CGB7: variants seen among roughly 807,000 people sequenced by gnomAD.
CGB7 encodes the protein choriogonadotropin subunit beta 7.
CGB7 carries 6 observed loss-of-function variants against 7.3 expected under a neutral mutation model. That is an observed-to-expected ratio of 0.82 (90% CI 0.45 to 1.62). The LOEUF (loss-of-function observed/expected upper bound fraction) is 1.62. CGB7 is among the 40% of genes most tolerant of loss of function. The pLI, the probability that CGB7 is intolerant of heterozygous loss-of-function variation, is 0.01. For synonymous variants in CGB7, 47 were observed against 100.8 expected, an observed-to-expected ratio of 0.47 and a Z score of 3.20; for missense variants, 114 against 236.2, an observed-to-expected ratio of 0.48 and a Z score of 3.39.
rs1483083719 is a variant in CGB7, at chr19:49,056,514, G to A, written c.-1139C>T. 9 of 1,302,962 alleles carry A rather than the reference G, an allele frequency of 6.9e-6. No homozygotes were observed. Among genetic ancestry groups the A allele is most frequent in the Non-Finnish European group, 9.0e-6 (9 of 997,898 alleles). The allele number at this position is 1,302,962 out of a possible 1,614,324, so 80.7% of individuals were successfully genotyped here. A position where few individuals can be genotyped will look rare whatever the true frequency, so the allele number is the denominator to read the frequency against. ...AGCAGAGACAGGGCTGCCGCTGCGG[G>A]TCGTGACTCCAGAGTTGGGGCGTCT... is the stretch of plus-strand genomic sequence containing the variant. On this transcript the variant is annotated 5_prime_UTR_variant, in exon 3 of 5. Coordinates refer to ENST00000684222, the MANE Select transcript of CGB7 (RefSeq NM_001385261.1).
chr19:49,057,042 A>G, intron 2 of CGB7, 79 bp downstream of exon 2: 4 of 1,444,570 alleles, frequency 2.8e-6, no homozygotes, highest in Non-Finnish European at 3.7e-6. Flanking sequence ...AGGGAATGGG[A>G]GCCAGCCCAG....
rs185438033 is a variant in CGB7, at chr19:49,055,402, C to G, written c.-27G>C. On this transcript the variant is annotated 5_prime_UTR_variant, in exon 3 of 5. Coordinates refer to ENST00000684222, the MANE Select transcript of CGB7 (RefSeq NM_001385261.1). Reference sequence around the variant, plus strand: ...CTTGGTGCGTCCCCTGCCTGGTGTACCTGGCTTTATACCTCGGGTTTGTGG... The same window carrying G: ...CTTGGTGCGTCCCCTGCCTGGTGTAGCTGGCTTTATACCTCGGGTTTGTGG... The G allele has an allele frequency of 9.3e-6, 15 of 1,613,406 alleles. No individual in the cohort carries two copies. In the Admixed American group the frequency reaches 1.5e-4, roughly 16 times the overall value.
rs1250563965 is a variant in CGB7, at chr19:49,055,934, C to T, written c.-559G>A. On this transcript the variant is annotated 5_prime_UTR_variant, in exon 3 of 5. Coordinates refer to ENST00000684222, the MANE Select transcript of CGB7 (RefSeq NM_001385261.1). ...CGAGCCCCACCTCTCCCTTAGGAACCTCCGCCCACCCTACCCTCAAGCCAG... is the reference window on the plus strand; with the variant it reads ...CGAGCCCCACCTCTCCCTTAGGAACTTCCGCCCACCCTACCCTCAAGCCAG... The T allele has an allele frequency of 2.7e-6, 3 of 1,097,372 alleles. No individual in the cohort carries two copies. The highest frequency in any genetic ancestry group is 1.5e-4 in the East Asian group (2 of 13,390). 68.0% of individuals were successfully genotyped at this position (1,097,372 alleles called of 1,614,324 possible).
rs2040051095 is a variant in CGB7, at chr19:49,055,678, G to A, written c.-303C>T. 1.5e-6 allele frequency: 2 copies of A among 1,344,306 alleles called. No individual in the cohort carries two copies. Among genetic ancestry groups the A allele is most frequent in the Non-Finnish European group, 1.9e-6 (2 of 1,043,494 alleles). 83.3% of individuals were successfully genotyped at this position (1,344,306 alleles called of 1,614,324 possible). On this transcript the variant is annotated 5_prime_UTR_variant, in exon 3 of 5. Coordinates refer to ENST00000684222, the MANE Select transcript of CGB7 (RefSeq NM_001385261.1). ...CAGAGAGTAGGGTGTAGGAAGGCCTGCCTCTGCCTATGGTGGGGTCTTGGG... is the reference window on the plus strand; with the variant it reads ...CAGAGAGTAGGGTGTAGGAAGGCCTACCTCTGCCTATGGTGGGGTCTTGGG...
Position 49,054,305 on chromosome 19 carries a change from T to A in CGB7, c.484A>T (p.Ile162Phe). 3.7e-6 allele frequency: 6 copies of A among 1,601,992 alleles called. No homozygotes were observed. The highest frequency in any genetic ancestry group is 5.1e-6 in the Non-Finnish European group (6 of 1,174,706). ...SRLPGPSDTPILPQ is the reference protein window; with the variant it reads ...SRLPGPSDTPFLPQ ...TTGAGAAGCCTTTATTGTGGGAGGA[T>A]CGGGGTGTCTGAGGGCCCCGGGAGT... Residue 162 changes from isoleucine to phenylalanine, a missense_variant, in exon 5 of 5, where the codon ATC becomes TTC. Ile to Phe is a conservative substitution (Grantham distance 21, BLOSUM62 0). Transcript: ENST00000684222.
In CGB7 at chr19:49,055,509, C is replaced by A; in HGVS notation, c.-134G>T. The stretch of plus-strand genomic sequence containing the variant: ...TTCGGGGGGCGAGAAGTAGACAAGG[C>A]CAGGGAGGCACAGGAGTGGCTCAGC... On this transcript the variant is annotated 5_prime_UTR_variant, in exon 3 of 5. Transcript: ENST00000684222. 6.3e-7 allele frequency: 1 copy of A among 1,596,244 alleles called. No homozygotes were observed. Among genetic ancestry groups the A allele is most frequent in the South Asian group, 1.1e-5 (1 of 88,474 alleles).
intron 3 of CGB7, 149 bp downstream of exon 3, chr19:49,055,212 C>A (rs2040041803): frequency 2.5e-6 from 4 of 1,590,410 alleles, no homozygotes; most frequent in Non-Finnish European, 3.4e-6. Context: ...CAGATCCCCA[C>A]CCTCAGGAAC....
Position 49,054,953 on chromosome 19 carries a change from A to G in CGB7, c.71T>C (p.Met24Thr), listed in dbSNP as rs56106646. 0.11 allele frequency: 161,063 copies of G among 1,410,966 alleles called. 39,781 individuals carry two copies. The highest frequency in any genetic ancestry group is 0.22 in the South Asian group (16,252 of 74,422). 87.4% of individuals were successfully genotyped at this position (1,410,966 alleles called of 1,614,324 possible). ...SMGGTWASRE[M>T]LRPRCRPINA... is the part of the protein sequence containing the mutation. ...GATGGGGCGGCACCGTGGCCGAAGCATCTCCCTGGATGCCCATGTCCCGCC... is the reference window on the plus strand; with the variant it reads ...GATGGGGCGGCACCGTGGCCGAAGCGTCTCCCTGGATGCCCATGTCCCGCC... Residue 24 changes from methionine (M) to threonine (T), a missense_variant, in exon 4 of 5, where the codon ATG (methionine) becomes ACG (threonine). Around this residue, in one of 3 missense-constraint regions of CGB7, gnomAD observed 58 missense variants for 91.7 expected, o/e 0.63. Transcript: ENST00000684222.
chr19:49,055,968 G>T lies in CGB7; in HGVS notation c.-593C>A. On this transcript the variant is annotated 5_prime_UTR_variant, in exon 3 of 5. Transcript: ENST00000684222. Reference sequence around the variant, plus strand: ...CCCTACCCTCAAGCCAGGATGCCCGGAGCGGTCCCCGGAAATGCGTGTGCT... The same window carrying T: ...CCCTACCCTCAAGCCAGGATGCCCGTAGCGGTCCCCGGAAATGCGTGTGCT... The T allele has an allele frequency of 9.0e-7, 1 of 1,113,498 alleles. No homozygotes were observed. The highest frequency in any genetic ancestry group is 1.1e-6 in the Non-Finnish European group (1 of 902,312). 69.0% of individuals were successfully genotyped at this position (1,113,498 alleles called of 1,614,324 possible). A position where few individuals can be genotyped will look rare whatever the true frequency, so the allele number is the denominator to read the frequency against.
At chr19:49,056,824 T>C (rs901010625) in intron 2 of CGB7, among the ~76,000 whole-genome samples, 4 of 152,130 alleles carry the variant, frequency 2.6e-5, no homozygotes, top group African/African-American at 9.7e-5. Context: ...GGCTTTCGCT[T>C]CCTTGCGAAG....
rs2040051140 is a variant in CGB7 at position 49,055,686 on chromosome 19, C to T, written c.-311G>A. On this transcript the variant is annotated 5_prime_UTR_variant, in exon 3 of 5. Transcript: ENST00000684222. ...AGGGTGTAGGAAGGCCTGCCTCTGCCTATGGTGGGGTCTTGGGAACCAGGA... is the reference window on the plus strand; with the variant it reads ...AGGGTGTAGGAAGGCCTGCCTCTGCTTATGGTGGGGTCTTGGGAACCAGGA... 7.5e-7 allele frequency: 1 copy of T among 1,327,394 alleles called. No individual in the cohort carries two copies. The highest frequency in any genetic ancestry group is 1.5e-5 in the African/African-American group (1 of 67,660). 82.2% of individuals were successfully genotyped at this position (1,327,394 alleles called of 1,614,324 possible).
In CGB7 at chr19:49,057,746, G is replaced by C; in HGVS notation, c.-1633C>G. The C allele has an allele frequency of 7.5e-7, 1 of 1,338,850 alleles. No homozygotes were observed. The highest frequency in any genetic ancestry group is 9.5e-7 in the Non-Finnish European group (1 of 1,047,812). The allele number at this position is 1,338,850 out of a possible 1,614,324, so 82.9% of individuals were successfully genotyped here. On this transcript the variant is annotated 5_prime_UTR_variant, in exon 1 of 5. Transcript: ENST00000684222. Reference sequence around the variant, plus strand: ...GCCCCTGGTCCTTCTGGCCTGGCGTGGATGCCCAGCCCTTCCTCCCGCTCC... The same window carrying C: ...GCCCCTGGTCCTTCTGGCCTGGCGTCGATGCCCAGCCCTTCCTCCCGCTCC...
At chr19:49,057,356 G>A in intron 1 of CGB7, 106 bp downstream of exon 1, 1 of 1,438,788 alleles carries the variant, frequency 7.0e-7, no homozygotes, top group Non-Finnish European at 9.1e-7. Flanking sequence ...CGACAGCCAT[G>A]ACGGCCACGG....
chr19:49,054,845 G>A lies in CGB7; in HGVS notation c.179C>T (p.Thr60Ile). 6.3e-7 allele frequency: 1 copy of A among 1,584,674 alleles called. No homozygotes were observed. The highest frequency in any genetic ancestry group is 8.5e-7 in the Non-Finnish European group (1 of 1,172,602). ...CCCGGGCCCCGGGCAGCTCACCATG[G>A]TGGGGCAGTAGCCGGCACAGATGGT... is the stretch of plus-strand genomic sequence containing the variant. ...NTTICAGYCP[T>I]MTRVLQGVLP... Residue 60 changes from threonine to isoleucine, a missense_variant, in exon 4 of 5, where the codon ACC becomes ATC. Physicochemically the swap from Thr to Ile is moderately conservative, Grantham distance 89. Around this residue, in one of 3 missense-constraint regions of CGB7, gnomAD observed 58 missense variants for 91.7 expected, o/e 0.63. Transcript: ENST00000684222.
Position 49,057,133 on chromosome 19 carries a change from C to G in CGB7, c.-1233G>C, listed in dbSNP as rs765802719. ...GAGCCCGGCTTACTTGGGATAGAAC[C>G]GAAAGTCCCGCGCCGAGGTGGTCAG... On this transcript the variant is annotated 5_prime_UTR_variant, in exon 2 of 5. Transcript: ENST00000684222. 6.5e-7 allele frequency: 1 copy of G among 1,534,030 alleles called. No individual in the cohort carries two copies. The highest frequency in any genetic ancestry group is 2.4e-5 in the East Asian group (1 of 40,874).
rs552581893 is a variant in CGB7 at position 49,056,310 on chromosome 19, C to G, written c.-935G>C. ...TTACAGCGGCCTGAGCGGGAGTTCT[C>G]GGTGCTGTAGGCTTTCGGGACGCTG... On this transcript the variant is annotated 5_prime_UTR_variant, in exon 3 of 5. Coordinates refer to ENST00000684222, the MANE Select transcript of CGB7 (RefSeq NM_001385261.1). 6.2e-6 allele frequency: 8 copies of G among 1,293,414 alleles called. No homozygotes were observed. In the South Asian group the frequency reaches 7.3e-5, roughly 12 times the overall value. 80.1% of individuals were successfully genotyped at this position (1,293,414 alleles called of 1,614,324 possible). A position where few individuals can be genotyped will look rare whatever the true frequency, so the allele number is the denominator to read the frequency against.
rs1213441535 is a variant in CGB7 at position 49,056,453 on chromosome 19, A to C, written c.-1078T>G. 10 of 1,299,184 alleles carry C rather than the reference A, an allele frequency of 7.7e-6. No homozygotes were observed. The East Asian group carries it at 3.6e-4, about 47-fold the overall frequency. The allele number at this position is 1,299,184 out of a possible 1,614,324, so 80.5% of individuals were successfully genotyped here. ...GCTGTAGGTTTCCTGAGCCGGAGAC[A>C]TGGCCCGCCGTGCGGCGCTCGAGGC... On this transcript the variant is annotated 5_prime_UTR_variant, in exon 3 of 5. It removes an upstream start codon present in the reference 5' UTR. Coordinates refer to ENST00000684222, the MANE Select transcript of CGB7 (RefSeq NM_001385261.1).
In CGB7 at chr19:49,057,698, G is replaced by A; in HGVS notation, c.-1585C>T. 1 of 1,279,894 alleles carries A rather than the reference G, an allele frequency of 7.8e-7. No homozygotes were observed. Among genetic ancestry groups the A allele is most frequent in the Non-Finnish European group, 9.9e-7 (1 of 1,011,604 alleles). 79.3% of individuals were successfully genotyped at this position (1,279,894 alleles called of 1,614,324 possible). ...CGCCGTCTAGCTCCGCAGCAGCTTA[G>A]GAGCCCTGAAGGCGAGTTTCCAGCC... On this transcript the variant is annotated 5_prime_UTR_variant, in exon 1 of 5. Transcript: ENST00000684222.
Position 49,057,553 on chromosome 19 carries a change from A to C in CGB7, c.-1440T>G. On this transcript the variant is annotated 5_prime_UTR_variant, in exon 1 of 5. Transcript: ENST00000684222. ...CCCCCTGGTTCTGCCCCCGGTCTCAAGCCTTCTTGGTGTGGCCACTGGAGC... is the reference window on the plus strand; with the variant it reads ...CCCCCTGGTTCTGCCCCCGGTCTCACGCCTTCTTGGTGTGGCCACTGGAGC... The C allele has an allele frequency of 8.4e-7, 1 of 1,188,574 alleles. No individual in the cohort carries two copies. Among genetic ancestry groups the C allele is most frequent in the Non-Finnish European group, 1.1e-6 (1 of 952,248 alleles). The allele number at this position is 1,188,574 out of a possible 1,614,324, so 73.6% of individuals were successfully genotyped here.
Sources: gnomAD v4.1 joint callset for allele counts (sites outside exome capture counted in the v4.1 genomes callset) on GRCh38, gnomAD v4.1.1 for gene constraint, gnomAD v4.1.1 regional missense constraint, MANE v1.5 for transcripts, NCBI Gene and HGNC (gene_info 2026-07-23, HGNC 2026-07-21) for gene names.